Variants in RGS6 observed in about 807,000 individuals in gnomAD.
RGS6 encodes regulator of G-protein signaling 6.
RGS6 carries 30 observed loss-of-function variants against 78.5 expected under a neutral mutation model. That is an observed-to-expected ratio of 0.38 (90% CI 0.29 to 0.52). The LOEUF (loss-of-function observed/expected upper bound fraction) is 0.52. RGS6 is among the 20% of genes least tolerant of loss of function. The pLI, the probability that RGS6 is intolerant of heterozygous loss-of-function variation, is 0.85. For synonymous variants in RGS6, 206 were observed against 206.0 expected, an observed-to-expected ratio of 1.00 and a Z score of 0.00; for missense variants, 495 against 609.7, an observed-to-expected ratio of 0.81 and a Z score of 1.98.
chr14:72,186,775 C>G (rs2097254005), intron 2 of RGS6, among the ~76,000 whole-genome samples: 1 of 152,070 alleles, frequency 6.6e-6, no homozygotes, highest in South Asian at 2.1e-4. Flanking sequence ...GCAATAAGTG[C>G]TATTTAAACA....
At chr14:72,602,568 C>T in the RGS6 span, among the ~76,000 whole-genome samples, 1 of 152,202 alleles carries the variant, frequency 6.6e-6, no homozygotes, top group Non-Finnish European at 1.5e-5. Flanking sequence ...ACTCACAGTG[C>T]GCACCGAGGC....
intron 3 of RGS6, among the ~76,000 whole-genome samples, chr14:72,377,549 A>G (rs2332831): frequency 0.59 from 89,547 of 152,096 alleles, 28,449 homozygotes; most frequent in African/African-American, 0.84. Context: ...CAAATAATAT[A>G]AACCTAACGA....
chr14:72,147,802 TACC>T (rs893096551), intron 2 of RGS6, among the ~76,000 whole-genome samples: 73 of 152,270 alleles, frequency 4.8e-4, no homozygotes, highest in African/African-American at 1.3e-3. Flanking sequence ...AGGTGGAGAC[TACC>T]ACCAGGCTAT....
intron 2 of RGS6, among the ~76,000 whole-genome samples, chr14:72,224,506 G>T (rs955886562): frequency 2.0e-5 from 3 of 151,778 alleles, no homozygotes; most frequent in Non-Finnish European, 4.4e-5. Flanking sequence ...TTCTTGCTCT[G>T]TGTGGTCTTA....
chr14:72,532,563 T>C (rs1393516173), intron 15 of RGS6, among the ~76,000 whole-genome samples: 5 of 152,260 alleles, frequency 3.3e-5, no homozygotes, highest in Admixed American at 6.5e-5. Flanking sequence ...AAAGCCAAGA[T>C]AGGCTGAAAG....
At position 72,230,546 on chromosome 14, in the gene RGS6, C is replaced by G. The variant is rs112894970; in HGVS notation, c.85-121549C>G. Reference sequence around the variant, plus strand: ...TGGAAACTGTAGCACTCAGGATTCTCCAGAGACACAGTAGGATGGATATAT... The same window carrying G: ...TGGAAACTGTAGCACTCAGGATTCTGCAGAGACACAGTAGGATGGATATAT... On this transcript the variant is annotated intron_variant, in intron 2 of 17. Coordinates refer to ENST00000553525, the MANE Select transcript of RGS6 (RefSeq NM_001204424.2). Among the ~76,000 whole-genome samples the G allele has an allele frequency of 7.2e-3, 1,101 of 152,194 alleles. 10 individuals are homozygous for G. The highest frequency in any genetic ancestry group is 0.025 in the African/African-American group (1,046 of 41,496).
chr14:72,054,952 A>G (rs1320561026), intron 2 of RGS6, among the ~76,000 whole-genome samples: 2 of 152,222 alleles, frequency 1.3e-5, no homozygotes, highest in Non-Finnish European at 2.9e-5. Context: ...ATTGCTGTGT[A>G]GTATTTTTAT....
intron 13 of RGS6, among the ~76,000 whole-genome samples, chr14:72,505,529 A>T (rs909292213): frequency 1.3e-5 from 2 of 152,218 alleles, no homozygotes; most frequent in African/African-American, 4.8e-5. Context: ...GGACACAAAC[A>T]TTTAGTCCTT....
At chr14:72,156,658 A>G (rs931341454) in intron 2 of RGS6, among the ~76,000 whole-genome samples, 1 of 152,180 alleles carries the variant, frequency 6.6e-6, no homozygotes, top group African/African-American at 2.4e-5. Context: ...GATTGGGCAG[A>G]TTGATAGTTC....
At chr14:71,951,497 C>T (rs2092313552) in intron 1 of RGS6, among the ~76,000 whole-genome samples, 1 of 152,076 alleles carries the variant, frequency 6.6e-6, no homozygotes, top group Non-Finnish European at 1.5e-5. Flanking sequence ...GTGCAGCAAA[C>T]CATCATGGCA....
At chr14:72,245,887 T>G (rs553693229) in intron 2 of RGS6, among the ~76,000 whole-genome samples, 1 of 152,328 alleles carries the variant, frequency 6.6e-6, no homozygotes, top group Admixed American at 6.5e-5. Context: ...GGTCTGTATG[T>G]TCACATTCCT....
intron 1 of RGS6, among the ~76,000 whole-genome samples, 169 bp from the exon 2 acceptor site, chr14:71,964,603 T>C (rs189390459): frequency 6.6e-5 from 10 of 152,218 alleles, no homozygotes; most frequent in Non-Finnish European, 1.5e-4. Context: ...ATTAGAAGAA[T>C]ATTTGTGGAT....
rs1174205961 is a variant in RGS6, at chr14:72,161,327, A to G, written c.85-190768A>G. 3.9e-5 allele frequency among the ~76,000 whole-genome samples: 6 copies of G among 152,178 alleles called. 1 individual carries two copies. Among genetic ancestry groups the G allele is most frequent in the Non-Finnish European group, 8.8e-5 (6 of 68,036 alleles). ...TGCACCAAACCACCATGGCACGTGT[A>G]TACCTATGTAAGAAACCTGCATGTT... On this transcript the variant is annotated intron_variant, in intron 2 of 17. Coordinates refer to ENST00000553525, the MANE Select transcript of RGS6 (RefSeq NM_001204424.2).
At chr14:72,266,831 G>A (rs768995923) in intron 2 of RGS6, among the ~76,000 whole-genome samples, 2 of 152,186 alleles carry the variant, frequency 1.3e-5, no homozygotes, top group Non-Finnish European at 2.9e-5. Context: ...ACCAGGAGTG[G>A]TTCCCACAGC....
At chr14:72,452,434 T>C (rs1020213721) in intron 3 of RGS6, among the ~76,000 whole-genome samples, 2 of 152,184 alleles carry the variant, frequency 1.3e-5, no homozygotes, top group African/African-American at 4.8e-5. Flanking sequence ...AGGATGGCCC[T>C]GGGGGTCCCA....
At chr14:72,057,735 G>A (rs930624172) in intron 2 of RGS6, among the ~76,000 whole-genome samples, 2 of 152,132 alleles carry the variant, frequency 1.3e-5, no homozygotes, top group African/African-American at 4.8e-5. Context: ...GTCATTTTGT[G>A]CTCCTACTTA....
the RGS6 span, among the ~76,000 whole-genome samples, chr14:72,577,376 A>G: frequency 6.6e-6 from 1 of 152,240 alleles, no homozygotes; most frequent in East Asian, 1.9e-4. Flanking sequence ...CTCTCGTTTA[A>G]ACATAGCCAG....
chr14:72,102,914 G>A (rs1254087364), intron 2 of RGS6, among the ~76,000 whole-genome samples: 2 of 152,102 alleles, frequency 1.3e-5, no homozygotes, highest in Non-Finnish European at 1.5e-5. Context: ...ATTTAATGGT[G>A]GAACAAAACA....
chr14:72,324,037 C>T (rs1178189989), intron 2 of RGS6, among the ~76,000 whole-genome samples: 1 of 151,844 alleles, frequency 6.6e-6, no homozygotes, highest in Non-Finnish European at 1.5e-5. Flanking sequence ...CTTTGTGTTA[C>T]AAACATTCCA....
Sources: allele counts gnomAD v4.1 joint callset (sites outside exome capture counted in the v4.1 genomes callset), GRCh38; gene constraint gnomAD v4.1.1; transcripts MANE v1.5; gene names NCBI Gene and HGNC (gene_info 2026-07-23, HGNC 2026-07-21).